Variants in TTC23 observed in about 807,000 individuals in gnomAD.
TTC23 encodes tetratricopeptide repeat domain 23, also known as tetratricopeptide repeat protein 23.
A neutral mutation model predicts 55.1 loss-of-function variants in TTC23; 58 were observed. That is an observed-to-expected ratio of 1.05 (90% CI 0.85 to 1.31). The LOEUF (loss-of-function observed/expected upper bound fraction) is 1.31, where lower values mean the gene tolerates loss of function less well. Ranked by LOEUF, TTC23 falls within the 50% of genes most tolerant of loss-of-function variation. The probability of loss-of-function intolerance (pLI) is 0.00; values close to 1 mark genes in which losing one functional copy is unlikely to be tolerated. For synonymous variants in TTC23, 203 were observed against 199.9 expected (o/e 1.02, Z -0.13); for missense variants, 516 against 534.4 (o/e 0.97, Z 0.34).
intron 12 of TTC23, among the ~76,000 whole-genome samples, chr15:99,143,215 T>A (rs1197855079): frequency 1.3e-5 from 2 of 152,242 alleles, no homozygotes; most frequent in Non-Finnish European, 2.9e-5. Flanking sequence ...TAACCCATTA[T>A]GGACTTCTAC....
intron 9 of TTC23, among the ~76,000 whole-genome samples, chr15:99,193,207 C>A (rs1319365214): frequency 6.6e-6 from 1 of 152,090 alleles, no homozygotes; most frequent in Non-Finnish European, 1.5e-5. Context: ...TGAGGTGAGA[C>A]TTTGGAGGAC....
rs140318324 is a variant in TTC23 at position 99,152,819 on chromosome 15, A to T, written c.1143+3329T>A. On this transcript the variant is annotated intron_variant, in intron 12 of 13. Coordinates refer to ENST00000394132, the MANE Select transcript of TTC23 (RefSeq NM_001288615.3). ...TCAAAAAGCACTGGATCTTTTTTTT[A>T]CAGGGTCTCACTTTGTCACTCAGGG... Among the ~76,000 whole-genome samples, 1,114 of 152,010 alleles carry T rather than the reference A, an allele frequency of 7.3e-3. 7 individuals are homozygous for T. Among genetic ancestry groups the T allele is most frequent in the Non-Finnish European group, 0.011 (756 of 67,934 alleles).
chr15:99,154,537 G>C (rs1347756546), intron 12 of TTC23, among the ~76,000 whole-genome samples: 4 of 152,202 alleles, frequency 2.6e-5, no homozygotes, highest in African/African-American at 9.7e-5. Context: ...TCTGCCAAGG[G>C]ATGATGCAGC....
At chr15:99,163,745 C>T (rs1351077657) in intron 10 of TTC23, among the ~76,000 whole-genome samples, 1 of 152,142 alleles carries the variant, frequency 6.6e-6, no homozygotes, top group South Asian at 2.1e-4. Flanking sequence ...ATAAAATACA[C>T]CATCAGAGAG....
At chr15:99,223,029 A>T (rs1287539218) in intron 5 of TTC23, among the ~76,000 whole-genome samples, 1 of 152,144 alleles carries the variant, frequency 6.6e-6, no homozygotes, top group Non-Finnish European at 1.5e-5. Context: ...CTCAGCTCCA[A>T]AATTATTTGA....
intron 8 of TTC23, among the ~76,000 whole-genome samples, chr15:99,216,430 G>A (rs1301272952): frequency 1.3e-5 from 2 of 151,956 alleles, no homozygotes; most frequent in African/African-American, 2.4e-5. Context: ...TCTAAGCCAC[G>A]AAGAACACCA....
At chr15:99,222,764 G>T (rs2152055722) in intron 5 of TTC23, among the ~76,000 whole-genome samples, 1 of 152,218 alleles carries the variant, frequency 6.6e-6, no homozygotes, top group Non-Finnish European at 1.5e-5. Flanking sequence ...TTGGGAGGCG[G>T]AGATGGGTGA....
intron 10 of TTC23, among the ~76,000 whole-genome samples, chr15:99,165,945 G>GTAGCT (rs1189731490): frequency 1.3e-5 from 2 of 152,132 alleles, no homozygotes; most frequent in African/African-American, 4.8e-5. Flanking sequence ...TGGCTGATTG[G>GTAGCT]GAGTCAACTG....
At chr15:99,183,561 A>G (rs1264540424) in intron 9 of TTC23, among the ~76,000 whole-genome samples, 2 of 144,496 alleles carry the variant, frequency 1.4e-5, no homozygotes, top group Admixed American at 1.4e-4. Flanking sequence ...AGATGGTCTC[A>G]ATCTCCTGAC....
At chr15:99,244,034 T>TGTGGGTATCAGTAATC (rs2080028465) in intron 2 of TTC23, among the ~76,000 whole-genome samples, 1 of 152,226 alleles carries the variant, frequency 6.6e-6, no homozygotes, top group Non-Finnish European at 1.5e-5. Context: ...GATACCCACT[T>TGTGGGTATCAGTAATC]ACTCTGATGT....
At chr15:99,236,636 C>T (rs1047284937) in intron 3 of TTC23, among the ~76,000 whole-genome samples, 1 of 152,120 alleles carries the variant, frequency 6.6e-6, no homozygotes, top group Non-Finnish European at 1.5e-5. Flanking sequence ...GATCCTCCTG[C>T]CTTGGCTTCC....
chr15:99,196,166 A>AG (rs1596557452), intron 9 of TTC23, among the ~76,000 whole-genome samples: 1 of 152,150 alleles, frequency 6.6e-6, no homozygotes, highest in East Asian at 1.9e-4. Context: ...AAAAAAAAAA[A>AG]AAGTTTGAGA....
intron 4 of TTC23, among the ~76,000 whole-genome samples, chr15:99,230,256 G>A (rs1438072109): frequency 6.6e-6 from 1 of 152,142 alleles, no homozygotes; most frequent in Admixed American, 6.5e-5. Flanking sequence ...AGATGAAAAT[G>A]TGTGGGATTA....
intron 9 of TTC23, among the ~76,000 whole-genome samples, chr15:99,189,567 C>G (rs555079826): frequency 1.6e-3 from 246 of 151,872 alleles, no homozygotes; most frequent in African/African-American, 5.7e-3. Context: ...ATTTCATGTG[C>G]CTCTGAATGA....
Position 99,156,153 on chromosome 15 carries a change from TCA to T in TTC23, c.1136_1137del (p.Leu379GlnfsTer74). The T allele has an allele frequency of 1.2e-6, 2 of 1,614,136 alleles. No homozygotes were observed. Among genetic ancestry groups the T allele is most frequent in the South Asian group, 2.2e-5 (2 of 91,082 alleles). On this transcript the variant is annotated frameshift_variant, in exon 12 of 14. Coordinates refer to ENST00000394132, the MANE Select transcript of TTC23 (RefSeq NM_001288615.3). LOFTEE classifies it high-confidence loss of function. ...QGNHSGARKK[L>X]KKCLQIQTLL... ...AGTACTGGTTCCAGCTTTACCTTCTTCAGTTTCTTGCGGGCCCCACTGTGGTT... is the reference window on the plus strand; with the variant it reads ...AGTACTGGTTCCAGCTTTACCTTCTTGTTTCTTGCGGGCCCCACTGTGGTT...
intron 8 of TTC23, among the ~76,000 whole-genome samples, chr15:99,206,493 T>C (rs2076639281): frequency 6.6e-6 from 1 of 152,210 alleles, no homozygotes. Context: ...TGTTACTTAT[T>C]GGTTTATTCA....
chr15:99,137,870 T>G lies in TTC23; in HGVS notation c.*140A>C, dbSNP rs2067714187. On this transcript the variant is annotated 3_prime_UTR_variant, in exon 14 of 14. Coordinates refer to ENST00000394132, the MANE Select transcript of TTC23 (RefSeq NM_001288615.3). The stretch of plus-strand genomic sequence containing the variant: ...GCCCACGGGAGGCTTATGGTCTCAC[T>G]GTTGCATGTTGGGGCCAACAGTTGG... 1 of 1,372,450 alleles carries G rather than the reference T, an allele frequency of 7.3e-7. No homozygotes were observed. The highest frequency in any genetic ancestry group is 2.1e-5 in the Admixed American group (1 of 46,770). 85.0% of individuals were successfully genotyped at this position (1,372,450 alleles called of 1,614,324 possible). A position where few individuals can be genotyped will look rare whatever the true frequency, so the allele number is the denominator to read the frequency against.
chr15:99,237,161 T>C (rs1000673534), intron 3 of TTC23, among the ~76,000 whole-genome samples: 3 of 152,054 alleles, frequency 2.0e-5, no homozygotes, highest in African/African-American at 7.2e-5. Context: ...TTTGTATTTT[T>C]AGTAGAGACG....
intron 8 of TTC23, among the ~76,000 whole-genome samples, chr15:99,207,150 G>T (rs1305681897): frequency 1.3e-5 from 2 of 152,102 alleles, no homozygotes; most frequent in African/African-American, 2.4e-5. Context: ...GTGTCTTTGA[G>T]TAGGGAAGGA....
Sources: allele counts gnomAD v4.1 joint callset (sites outside exome capture counted in the v4.1 genomes callset), GRCh38; gene constraint gnomAD v4.1.1; transcripts MANE v1.5; gene names NCBI Gene and HGNC (gene_info 2026-07-23, HGNC 2026-07-21).